VTI1A: variants seen among roughly 807,000 people sequenced by gnomAD.
VTI1A encodes the protein vesicle transport through interaction with t-SNAREs homolog 1A.
VTI1A carries 22 observed loss-of-function variants against 34.9 expected under a neutral mutation model. The observed-to-expected ratio is 0.63, with a 90% CI of 0.45 to 0.90. VTI1A has a LOEUF of 0.90. VTI1A is among the 40% of genes least tolerant of loss of function. The pLI is 0.00. For missense variants in VTI1A, 268 were observed against 275.6 expected, an observed-to-expected ratio of 0.97 and a Z score of 0.20; for synonymous variants, 87 against 97.3, an observed-to-expected ratio of 0.89 and a Z score of 0.62.
At chr10:112,485,811 G>A (rs567746472) in intron 3 of VTI1A, among the ~76,000 whole-genome samples, 124 of 152,170 alleles carry the variant, frequency 8.1e-4, no homozygotes, top group Non-Finnish European at 1.1e-3. Flanking sequence ...TTATTTTTTA[G>A]CCTGTTACCA....
the VTI1A span, chr10:112,826,548 G>A: frequency 6.6e-6 from 1 of 152,266 alleles, no homozygotes; most frequent in Non-Finnish European, 1.5e-5. Context: ...GTCTCACAGT[G>A]TGCAAAGACC....
chr10:112,500,815 C>T (rs917747107), intron 3 of VTI1A, among the ~76,000 whole-genome samples: 1 of 152,168 alleles, frequency 6.6e-6, no homozygotes, highest in African/African-American at 2.4e-5. Context: ...TAAAGCTCCA[C>T]CGTTTAGAGT....
intron 5 of VTI1A, among the ~76,000 whole-genome samples, chr10:112,662,786 A>G (rs755989981): frequency 1.3e-5 from 2 of 152,174 alleles, no homozygotes; most frequent in African/African-American, 4.8e-5. Flanking sequence ...TTCCGAAAAC[A>G]TTTGACACTG....
intron 5 of VTI1A, among the ~76,000 whole-genome samples, chr10:112,614,764 A>G (rs1049779047): frequency 3.3e-5 from 5 of 152,172 alleles, no homozygotes; most frequent in South Asian, 2.1e-4. Context: ...CCAAGAGGCT[A>G]TTGTCAGATA....
chr10:112,763,102 C>T (rs1197899646), intron 7 of VTI1A, among the ~76,000 whole-genome samples: 1 of 152,080 alleles, frequency 6.6e-6, no homozygotes, highest in Non-Finnish European at 1.5e-5. Context: ...GAATGAATAA[C>T]TGAGCATGTG....
intron 5 of VTI1A, among the ~76,000 whole-genome samples, chr10:112,559,870 T>G (rs1851665355): frequency 6.6e-6 from 1 of 152,172 alleles, no homozygotes; most frequent in African/African-American, 2.4e-5. Context: ...AATAAAGTTA[T>G]GATGGGTAGT....
At chr10:112,581,819 G>A (rs959361478) in intron 5 of VTI1A, among the ~76,000 whole-genome samples, 1 of 152,156 alleles carries the variant, frequency 6.6e-6, no homozygotes, top group Non-Finnish European at 1.5e-5. Context: ...CCCCTGAAAG[G>A]CACTTTAGGT....
intron 7 of VTI1A, among the ~76,000 whole-genome samples, chr10:112,675,336 G>A (rs1190255446): frequency 1.3e-5 from 2 of 152,174 alleles, no homozygotes; most frequent in Non-Finnish European, 2.9e-5. Flanking sequence ...TAAGTCATCT[G>A]CCTCCAGGGG....
At chr10:112,755,067 C>A (rs1851233024) in intron 7 of VTI1A, among the ~76,000 whole-genome samples, 1 of 151,942 alleles carries the variant, frequency 6.6e-6, no homozygotes, top group Non-Finnish European at 1.5e-5. Context: ...CCAGCATGGC[C>A]AACAGGGCGA....
chr10:112,697,904 G>GTGTA (rs1848854521), intron 7 of VTI1A, among the ~76,000 whole-genome samples: 1 of 147,012 alleles, frequency 6.8e-6, no homozygotes, highest in Non-Finnish European at 1.5e-5. Flanking sequence ...GTGTGTGTGT[G>GTGTA]TGTATTCTTT....
At chr10:112,626,312 A>C (rs117117699) in intron 5 of VTI1A, among the ~76,000 whole-genome samples, 3,915 of 152,282 alleles carry the variant, frequency 0.026, 79 homozygotes, top group Middle Eastern at 0.092. Flanking sequence ...TCATGTGGCT[A>C]TATCTTTATT....
At chr10:112,757,483 C>T (rs1474424539) in intron 7 of VTI1A, among the ~76,000 whole-genome samples, 1 of 148,336 alleles carries the variant, frequency 6.7e-6, no homozygotes, top group East Asian at 2.1e-4. Flanking sequence ...TCTTCCGCGT[C>T]AAGTGATTCT....
intron 7 of VTI1A, among the ~76,000 whole-genome samples, chr10:112,780,839 G>A (rs2134037541): frequency 6.6e-6 from 1 of 152,076 alleles, no homozygotes; most frequent in East Asian, 1.9e-4. Context: ...TCCTCCCCGG[G>A]CACCCCAGTG....
At chr10:112,792,253 C>T (rs909465300) in intron 7 of VTI1A, among the ~76,000 whole-genome samples, 3 of 152,054 alleles carry the variant, frequency 2.0e-5, no homozygotes, top group South Asian at 2.1e-4. Context: ...CCAGCCTGGG[C>T]GACAGTGCAA....
At chr10:112,546,220 C>T (rs924317471) in intron 5 of VTI1A, among the ~76,000 whole-genome samples, 1 of 151,632 alleles carries the variant, frequency 6.6e-6, no homozygotes. Context: ...CACACACACA[C>T]ACACACATAT....
chr10:112,643,999 T>A (rs80038975), intron 5 of VTI1A, among the ~76,000 whole-genome samples: 1 of 149,416 alleles, frequency 6.7e-6, no homozygotes, highest in African/African-American at 2.5e-5. Context: ...AAAAAAAAAA[T>A]GTCCTGGCTT....
intron 5 of VTI1A, among the ~76,000 whole-genome samples, chr10:112,579,290 T>C (rs934776440): frequency 1.3e-5 from 2 of 152,242 alleles, no homozygotes; most frequent in Non-Finnish European, 2.9e-5. Context: ...GAGAGATGTA[T>C]GTAAGATCTC....
At chr10:112,505,197 T>C (rs1010735614) in intron 3 of VTI1A, among the ~76,000 whole-genome samples, 29 of 152,062 alleles carry the variant, frequency 1.9e-4, no homozygotes, top group African/African-American at 6.8e-4. Flanking sequence ...TTGCAAAGGG[T>C]TTTTGCACCT....
At chr10:112,591,999 T>A (rs1410106446) in intron 5 of VTI1A, among the ~76,000 whole-genome samples, 1 of 152,130 alleles carries the variant, frequency 6.6e-6, no homozygotes, top group East Asian at 1.9e-4. Flanking sequence ...ACCAAATATG[T>A]CGTCTCTGGT....
Sources: gnomAD v4.1 joint callset for allele counts (sites outside exome capture counted in the v4.1 genomes callset) on GRCh38, gnomAD v4.1.1 for gene constraint, MANE v1.5 for transcripts, NCBI Gene and HGNC (gene_info 2026-07-23, HGNC 2026-07-21) for gene names.